TMCC1: variants seen among roughly 807,000 people sequenced by gnomAD.
TMCC1 encodes the protein transmembrane and coiled-coil domain family 1.
In TMCC1, 15 loss-of-function variants were observed where a neutral mutation model predicts 52.4. The observed-to-expected ratio is 0.29, with a 90% CI of 0.19 to 0.44. The LOEUF is 0.44. TMCC1 is among the 20% of genes least tolerant of loss of function. The pLI is 1.00. For missense variants in TMCC1, 503 were observed against 806.0 expected (o/e 0.62, Z 4.55); for synonymous variants, 279 against 301.9 (o/e 0.92, Z 0.79).
chr3:129,758,814 A>G (rs2053244224), intron 4 of TMCC1, among the ~76,000 whole-genome samples: 1 of 152,176 alleles, frequency 6.6e-6, no homozygotes, highest in Non-Finnish European at 1.5e-5. Context: ...TATACCCAAT[A>G]AACAATTCCC....
intron 4 of TMCC1, among the ~76,000 whole-genome samples, chr3:129,694,002 T>C (rs2047211962): frequency 6.6e-6 from 1 of 152,186 alleles, no homozygotes; most frequent in Non-Finnish European, 1.5e-5. Flanking sequence ...GTTGACTTGA[T>C]ATAGGGAGCC....
At chr3:129,869,828 T>A (rs2060829555) in intron 2 of TMCC1, among the ~76,000 whole-genome samples, 1 of 152,198 alleles carries the variant, frequency 6.6e-6, no homozygotes, top group Non-Finnish European at 1.5e-5. Context: ...TTTTATGCCA[T>A]CTACATGCCA....
chr3:129,695,230 T>G (rs2047325916), intron 4 of TMCC1, among the ~76,000 whole-genome samples: 1 of 151,916 alleles, frequency 6.6e-6, no homozygotes, highest in African/African-American at 2.4e-5. Flanking sequence ...ATTTTGAATG[T>G]CCTTTCAAGG....
chr3:129,892,709 C>T (rs2062027112), intron 1 of TMCC1: 1 of 152,234 alleles, frequency 6.6e-6, no homozygotes, highest in Non-Finnish European at 1.5e-5. Context: ...TGCTTCACTC[C>T]GTGGCAGATT....
chr3:129,695,103 A>AAG (rs2047308261), intron 4 of TMCC1, among the ~76,000 whole-genome samples: 2 of 98,318 alleles, frequency 2.0e-5, no homozygotes, highest in African/African-American at 3.4e-5. Flanking sequence ...TCTCAAAAAA[A>AAG]AAAAAAAAAA....
At chr3:129,707,085 T>C (rs1356866654) in intron 4 of TMCC1, among the ~76,000 whole-genome samples, 1 of 152,130 alleles carries the variant, frequency 6.6e-6, no homozygotes, top group Non-Finnish European at 1.5e-5. Context: ...TAGAAGTTGG[T>C]GATGAGAAAA....
chr3:129,678,359 CTT>C (rs71155564), intron 4 of TMCC1, among the ~76,000 whole-genome samples: 6 of 117,190 alleles, frequency 5.1e-5, no homozygotes, highest in Admixed American at 1.1e-4. Context: ...TTGTTTAATT[CTT>C]TTTTTTTTTT....
At chr3:129,810,332 TGAGA>T (rs1192950194) in intron 4 of TMCC1, among the ~76,000 whole-genome samples, 2 of 149,404 alleles carry the variant, frequency 1.3e-5, no homozygotes, top group Non-Finnish European at 2.9e-5. Context: ...GGCAACAGAG[TGAGA>T]GACACTGTCT....
chr3:129,758,537 T>C (rs114312105), intron 4 of TMCC1, among the ~76,000 whole-genome samples: 178 of 152,290 alleles, frequency 1.2e-3, no homozygotes, highest in African/African-American at 4.2e-3. Context: ...CTTTGAGAAA[T>C]AGCTGATTGT....
intron 4 of TMCC1, among the ~76,000 whole-genome samples, chr3:129,709,726 T>C (rs1394105454): frequency 3.3e-5 from 5 of 151,990 alleles, no homozygotes; most frequent in Non-Finnish European, 7.4e-5. Flanking sequence ...CTTGTATTTT[T>C]GGGCTTCAGG....
rs189289358 is a variant in TMCC1 at position 129,746,480 on chromosome 3, G to T, written c.577-75216C>A. Among the ~76,000 whole-genome samples the T allele has an allele frequency of 7.2e-5, 11 of 152,078 alleles. 1 individual carries two copies. Among genetic ancestry groups the T allele is most frequent in the African/African-American group, 2.7e-4 (11 of 41,474 alleles). ...AGGTTTAGTTTTTTTTAACTATGCAGACTGATGACTACTGTGTAATATAAA... is the reference window on the plus strand; with the variant it reads ...AGGTTTAGTTTTTTTTAACTATGCATACTGATGACTACTGTGTAATATAAA... On this transcript the variant is annotated intron_variant, in intron 4 of 6. Coordinates refer to ENST00000393238, the MANE Select transcript of TMCC1 (RefSeq NM_001017395.5).
At chr3:129,721,077 C>A (rs1418797667) in intron 4 of TMCC1, among the ~76,000 whole-genome samples, 1 of 152,064 alleles carries the variant, frequency 6.6e-6, no homozygotes, top group Non-Finnish European at 1.5e-5. Flanking sequence ...CCAATTCCTG[C>A]CACTCTTCCC....
chr3:129,772,871 A>C (rs1163412290), intron 4 of TMCC1, among the ~76,000 whole-genome samples: 1 of 152,216 alleles, frequency 6.6e-6, no homozygotes, highest in East Asian at 1.9e-4. Flanking sequence ...GATTGACAAA[A>C]ATGTGAAAGT....
intron 4 of TMCC1, among the ~76,000 whole-genome samples, chr3:129,800,093 G>C (rs533631987): frequency 2.6e-5 from 4 of 152,086 alleles, no homozygotes; most frequent in Admixed American, 2.6e-4. Context: ...GCTTGTTCTT[G>C]TATTTCATAT....
At chr3:129,655,187 A>C (rs2086592038) in intron 5 of TMCC1, 84 bp from the exon 6 acceptor site, 2 of 1,508,346 alleles carry the variant, frequency 1.3e-6, no homozygotes, top group East Asian at 4.6e-5. Flanking sequence ...CCCAAAACAC[A>C]TTCTACAAAG....
chr3:129,868,272 T>G (rs1425130490), intron 2 of TMCC1, among the ~76,000 whole-genome samples: 1 of 152,170 alleles, frequency 6.6e-6, no homozygotes, highest in South Asian at 2.1e-4. Flanking sequence ...CTACCCAAAT[T>G]TCATGACCCA....
At chr3:129,749,271 G>A (rs1189257451) in intron 4 of TMCC1, among the ~76,000 whole-genome samples, 2 of 151,926 alleles carry the variant, frequency 1.3e-5, no homozygotes, top group African/African-American at 2.4e-5. Flanking sequence ...TACCAATTAC[G>A]AATCATTTAA....
intron 4 of TMCC1, among the ~76,000 whole-genome samples, chr3:129,822,803 G>C (rs1474782207): frequency 6.6e-6 from 1 of 152,130 alleles, no homozygotes; most frequent in African/African-American, 2.4e-5. Context: ...ATTAATCAAA[G>C]TAGCTTAATA....
At chr3:129,862,645 C>A (rs1281778050) in intron 2 of TMCC1, among the ~76,000 whole-genome samples, 1 of 152,076 alleles carries the variant, frequency 6.6e-6, no homozygotes, top group Non-Finnish European at 1.5e-5. Context: ...TGAGGTTAGG[C>A]CTCATCCACA....
Sources: gnomAD v4.1 joint callset for allele counts (sites outside exome capture counted in the v4.1 genomes callset) on GRCh38, gnomAD v4.1.1 for gene constraint, MANE v1.5 for transcripts, NCBI Gene and HGNC (gene_info 2026-07-23, HGNC 2026-07-21) for gene names.